Variants in ARL15 observed in about 807,000 individuals in gnomAD.
ARL15 encodes ADP-ribosylation factor-like protein 15.
Under a neutral mutation model 25.2 loss-of-function variants are expected in ARL15, and 19 were observed. That is an observed-to-expected ratio of 0.75 (90% CI 0.53 to 1.10). The LOEUF is 1.10. Among genes scored for constraint, ARL15 ranks in the 50% least tolerant of loss-of-function variants. The pLI, the probability that ARL15 is intolerant of heterozygous loss-of-function variation, is 0.00. For synonymous variants in ARL15, 94 were observed against 86.8 expected, an observed-to-expected ratio of 1.08 and a Z score of -0.46; for missense variants, 220 against 246.0, an observed-to-expected ratio of 0.89 and a Z score of 0.71.
At chr5:54,059,283 A>G (rs1268043048) in intron 4 of ARL15, among the ~76,000 whole-genome samples, 22 of 152,242 alleles carry the variant, frequency 1.4e-4, no homozygotes, top group Admixed American at 1.4e-3. Context: ...TCAGTCTAGA[A>G]CACTCTTGTC....
intron 4 of ARL15, among the ~76,000 whole-genome samples, chr5:54,007,495 T>C (rs1213952664): frequency 6.6e-6 from 1 of 152,144 alleles, no homozygotes; most frequent in Admixed American, 6.5e-5. Flanking sequence ...AAATAAAATA[T>C]TTTTATCTTT....
intron 3 of ARL15, among the ~76,000 whole-genome samples, chr5:54,121,509 A>G (rs1419774642): frequency 1.3e-5 from 2 of 152,204 alleles, no homozygotes; most frequent in South Asian, 2.1e-4. Context: ...CGAATTATGT[A>G]ATTAGATAAG....
At chr5:54,008,024 T>A (rs893748667) in intron 4 of ARL15, among the ~76,000 whole-genome samples, 1 of 152,208 alleles carries the variant, frequency 6.6e-6, no homozygotes, top group African/African-American at 2.4e-5. Context: ...AGTTCTGCTG[T>A]CTCTAAAAGC....
chr5:53,890,484 A>G (rs1744676887), intron 4 of ARL15, among the ~76,000 whole-genome samples: 1 of 152,238 alleles, frequency 6.6e-6, no homozygotes, highest in Non-Finnish European at 1.5e-5. Context: ...AGCACGGTTA[A>G]GTGAAAACTT....
intron 2 of ARL15, among the ~76,000 whole-genome samples, chr5:54,155,202 G>T (rs1015038786): frequency 3.3e-5 from 5 of 151,970 alleles, no homozygotes; most frequent in Non-Finnish European, 7.4e-5. Flanking sequence ...TCAAAATATT[G>T]CCTTATTCTT....
chr5:54,154,580 C>A lies in ARL15; in HGVS notation c.253G>T (p.Gly85Trp). ...ATAGAAATGATTTGAAATGTTATAC[C>A]TCCAAGTTCTTTTACATTCAAGATG... ...NAILNVKELG[G>W]ADNIRKYWSR... The change falls in exon 3 of 5, where the codon GGG becomes TGG. Residue 85 changes from glycine (G) to tryptophan (W), a missense_variant and splice_region_variant. By Grantham distance (184) the Gly-to-Trp change is radical (BLOSUM62 -2). Coordinates refer to ENST00000504924, the MANE Select transcript of ARL15 (RefSeq NM_019087.3). 1 of 1,519,778 alleles carries A rather than the reference C, an allele frequency of 6.6e-7. No individual in the cohort carries two copies. The highest frequency in any genetic ancestry group is 8.8e-7 in the Non-Finnish European group (1 of 1,133,302). 94.1% of individuals were successfully genotyped at this position (1,519,778 alleles called of 1,614,324 possible).
At chr5:54,220,968 G>A (rs1756357169) in intron 1 of ARL15, among the ~76,000 whole-genome samples, 1 of 151,834 alleles carries the variant, frequency 6.6e-6, no homozygotes, top group Non-Finnish European at 1.5e-5. Flanking sequence ...CAGAATTTAG[G>A]GAGTGAAAAA....
At chr5:53,946,875 AAAGGAG>A (rs1746752915) in intron 4 of ARL15, among the ~76,000 whole-genome samples, 3 of 152,178 alleles carry the variant, frequency 2.0e-5, no homozygotes, top group Admixed American at 2.0e-4. Context: ...GCCTGGGAGG[AAAGGAG>A]AAGAAAAGGG....
At chr5:54,280,469 CAG>C (rs1386183526) in intron 1 of ARL15, among the ~76,000 whole-genome samples, 5 of 152,118 alleles carry the variant, frequency 3.3e-5, no homozygotes, top group Admixed American at 6.5e-5. Context: ...AAAGGCAAAA[CAG>C]AAAATTATTC....
intron 1 of ARL15, among the ~76,000 whole-genome samples, chr5:54,269,499 T>C (rs1013335082): frequency 2.6e-5 from 4 of 152,298 alleles, no homozygotes; most frequent in East Asian, 1.9e-4. Flanking sequence ...AAAATTATTA[T>C]TGGTCCACAA....
chr5:54,150,315 A>G lies in ARL15; in HGVS notation c.253+4265T>C, dbSNP rs116125336. On this transcript the variant is annotated intron_variant, in intron 3 of 4. Coordinates refer to ENST00000504924, the MANE Select transcript of ARL15 (RefSeq NM_019087.3). ...ACTTTGATTCAGAAGGTAGTCTTGA[A>G]GAAATCAAAGGAGGGAAGCAGGATT... Among the ~76,000 whole-genome samples, 440 of 152,332 alleles carry G rather than the reference A, an allele frequency of 2.9e-3. 5 individuals carry two copies. The highest frequency in any genetic ancestry group is 0.01 in the African/African-American group (427 of 41,560).
intron 1 of ARL15, among the ~76,000 whole-genome samples, chr5:54,219,874 A>G (rs1756320642): frequency 6.6e-6 from 1 of 152,212 alleles, no homozygotes. Flanking sequence ...TAGAACTAAA[A>G]TGAAAAGGAC....
At chr5:53,922,086 G>A (rs1026479941) in intron 4 of ARL15, among the ~76,000 whole-genome samples, 3 of 152,192 alleles carry the variant, frequency 2.0e-5, no homozygotes, top group African/African-American at 7.2e-5. Flanking sequence ...TTGTAGTGTA[G>A]CACCATGTGT....
chr5:54,219,594 G>A (rs1422882710), intron 1 of ARL15, among the ~76,000 whole-genome samples: 1 of 152,118 alleles, frequency 6.6e-6, no homozygotes, highest in Non-Finnish European at 1.5e-5. Context: ...TTTTTTGTAA[G>A]TCTAGGTTTT....
At chr5:53,973,238 C>G (rs1747810017) in intron 4 of ARL15, among the ~76,000 whole-genome samples, 2 of 151,418 alleles carry the variant, frequency 1.3e-5, no homozygotes, top group Non-Finnish European at 3.0e-5. Context: ...CAAAAAAATA[C>G]CAGCCTTGGC....
intron 4 of ARL15, among the ~76,000 whole-genome samples, chr5:54,013,840 AC>A (rs921039960): frequency 3.4e-5 from 5 of 148,186 alleles, no homozygotes; most frequent in African/African-American, 7.4e-5. Context: ...CCATTCCCTT[AC>A]CCCCCCACCC....
intron 1 of ARL15, among the ~76,000 whole-genome samples, chr5:54,194,488 G>T (rs1161607356): frequency 6.6e-6 from 1 of 151,940 alleles, no homozygotes; most frequent in Non-Finnish European, 1.5e-5. Flanking sequence ...TCAAGCTAGA[G>T]AAAGTTATGA....
At chr5:54,263,328 C>T (rs2112626972) in intron 1 of ARL15, among the ~76,000 whole-genome samples, 1 of 152,150 alleles carries the variant, frequency 6.6e-6, no homozygotes, top group South Asian at 2.1e-4. Context: ...TAACCACTGT[C>T]ACTGTTAACA....
intron 4 of ARL15, among the ~76,000 whole-genome samples, chr5:54,020,791 T>TAAAAA (rs146286288): frequency 3.0e-3 from 441 of 147,810 alleles, no homozygotes; most frequent in African/African-American, 0.01. Context: ...TAATAAAAAT[T>TAAAAA]AAAAGAAAAA....
Sources: gnomAD v4.1 joint callset for allele counts (sites outside exome capture counted in the v4.1 genomes callset) on GRCh38, gnomAD v4.1.1 for gene constraint, MANE v1.5 for transcripts, NCBI Gene and HGNC (gene_info 2026-07-23, HGNC 2026-07-21) for gene names.